ROCK2: variants seen among roughly 807,000 people sequenced by gnomAD.
ROCK2 encodes the protein rho-associated protein kinase 2.
ROCK2 carries 61 observed loss-of-function variants against 195.1 expected under a neutral mutation model. The observed-to-expected ratio is 0.31, with a 90% CI of 0.25 to 0.39. ROCK2 has a LOEUF of 0.39. ROCK2 is among the 10% of genes least tolerant of loss of function. The pLI is 1.00. For synonymous variants in ROCK2, 504 were observed against 545.5 expected (o/e 0.92, Z 1.06); for missense variants, 1,109 against 1,637.4 (o/e 0.68, Z 5.57).
At chr2:11,196,900 AAGAAG>A (rs2148036933) in intron 27 of ROCK2, among the ~76,000 whole-genome samples, 1 of 152,332 alleles carries the variant, frequency 6.6e-6, no homozygotes, top group South Asian at 2.1e-4. Flanking sequence ...AGAATGCAGA[AAGAAG>A]AGAAAATGAA....
In ROCK2 at chr2:11,204,148, T is replaced by C. The variant is rs186901433; in HGVS notation, c.2550-2027A>G. On this transcript the variant is annotated intron_variant, in intron 20 of 32. Transcript: ENST00000315872. Reference sequence around the variant, plus strand: ...GCCTAGAAGAAATAACTGTTTCATTTGTGTTTTATCTTTTGGTGGTTACCT... The same window carrying C: ...GCCTAGAAGAAATAACTGTTTCATTCGTGTTTTATCTTTTGGTGGTTACCT... 6.8e-3 allele frequency among the ~76,000 whole-genome samples: 1,034 copies of C among 152,246 alleles called. 8 individuals are homozygous for C. The highest frequency in any genetic ancestry group is 9.9e-3 in the Non-Finnish European group (675 of 68,006).
chr2:11,273,413 C>CATTA (rs1666716635), intron 3 of ROCK2, among the ~76,000 whole-genome samples: 1 of 151,236 alleles, frequency 6.6e-6, no homozygotes, highest in Admixed American at 6.6e-5. Context: ...CAAAAAAAAA[C>CATTA]ATTATATCTT....
intron 3 of ROCK2, among the ~76,000 whole-genome samples, chr2:11,281,945 C>T (rs1667017873): frequency 6.6e-6 from 1 of 151,984 alleles, no homozygotes; most frequent in Admixed American, 6.6e-5. Flanking sequence ...CCAAGTTGGT[C>T]TATATTTTCA....
At chr2:11,246,760 T>A (rs1162854325) in intron 4 of ROCK2, among the ~76,000 whole-genome samples, 2 of 152,158 alleles carry the variant, frequency 1.3e-5, no homozygotes, top group Admixed American at 6.5e-5. Context: ...TATTTAATAG[T>A]CATTTAAAAA....
intron 1 of ROCK2, among the ~76,000 whole-genome samples, chr2:11,311,276 G>A (rs1274747209): frequency 6.6e-6 from 1 of 152,134 alleles, no homozygotes; most frequent in Non-Finnish European, 1.5e-5. Context: ...AAGTCCTGGA[G>A]AGCCCCCAAA....
At chr2:11,301,287 C>G (rs1050165525) in intron 1 of ROCK2, among the ~76,000 whole-genome samples, 3 of 151,816 alleles carry the variant, frequency 2.0e-5, no homozygotes, top group African/African-American at 7.3e-5. Context: ...AAAAATTTTT[C>G]AATGATGGGA....
chr2:11,317,573 CATTTAT>C (rs1668235660), intron 1 of ROCK2, among the ~76,000 whole-genome samples: 12 of 49,778 alleles, frequency 2.4e-4, no homozygotes, highest in African/African-American at 1.1e-3. Flanking sequence ...CTGATCTACA[CATTTAT>C]ATATATATAT....
chr2:11,297,155 A>G (rs538388771), intron 1 of ROCK2, among the ~76,000 whole-genome samples: 1 of 152,244 alleles, frequency 6.6e-6, no homozygotes, highest in African/African-American at 2.4e-5. Flanking sequence ...TAGTTGTTAC[A>G]AAGACTAGGT....
intron 1 of ROCK2, among the ~76,000 whole-genome samples, chr2:11,335,446 GTTCT>G (rs1668901093): frequency 6.6e-6 from 1 of 152,096 alleles, no homozygotes; most frequent in African/African-American, 2.4e-5. Context: ...AAGGGAAAAT[GTTCT>G]TTTATTATTT....
Position 11,182,280 on chromosome 2 carries a change from G to A in ROCK2, c.*1157C>T, listed in dbSNP as rs1291204987. On this transcript the variant is annotated 3_prime_UTR_variant, in exon 33 of 33. Transcript: ENST00000315872. The stretch of plus-strand genomic sequence containing the variant: ...TTTAAATATTTAAAATGCATCTACA[G>A]TCTGTCTTAGTTTTCTTTATATTTG... The A allele has an allele frequency of 6.6e-6, 1 of 152,164 alleles. No homozygotes were observed. The highest frequency in any genetic ancestry group is 1.5e-5 in the Non-Finnish European group (1 of 68,020). The allele number at this position is 152,164 out of a possible 1,614,324, so 9.4% of individuals were successfully genotyped here.
At chr2:11,298,936 T>G (rs1170551810) in intron 1 of ROCK2, among the ~76,000 whole-genome samples, 1 of 152,080 alleles carries the variant, frequency 6.6e-6, no homozygotes, top group Non-Finnish European at 1.5e-5. Context: ...GTTTTAAAAC[T>G]ACAGAGATTT....
chr2:11,306,069 C>T (rs1043880681), intron 1 of ROCK2, among the ~76,000 whole-genome samples: 1 of 152,092 alleles, frequency 6.6e-6, no homozygotes, highest in Non-Finnish European at 1.5e-5. Flanking sequence ...GAAAGAGATT[C>T]GAGAGCCATG....
intron 1 of ROCK2, chr2:11,307,939 T>G: frequency 7.0e-7 from 1 of 1,425,990 alleles, no homozygotes; most frequent in Non-Finnish European, 9.2e-7. Flanking sequence ...GCCCTGTTAA[T>G]GTCAGGGCCA....
intron 1 of ROCK2, among the ~76,000 whole-genome samples, chr2:11,293,086 T>C (rs1348128164): frequency 2.0e-5 from 3 of 152,234 alleles, no homozygotes; most frequent in African/African-American, 7.2e-5. Context: ...CTTTTCTTTA[T>C]AAATTACCCA....
At chr2:11,260,883 T>C (rs922101271) in intron 3 of ROCK2, among the ~76,000 whole-genome samples, 6 of 152,238 alleles carry the variant, frequency 3.9e-5, no homozygotes, top group African/African-American at 1.4e-4. Flanking sequence ...GACTTCACTT[T>C]TGGTGATTCT....
chr2:11,286,777 A>G (rs1366608740), intron 2 of ROCK2, 138 bp from the exon 3 acceptor site: 2 of 528,602 alleles, frequency 3.8e-6, no homozygotes, highest in Non-Finnish European at 6.6e-6. Flanking sequence ...CTGTTAGTTA[A>G]AAATCTAAGA....
At chr2:11,283,796 A>G (rs1484804556) in intron 3 of ROCK2, among the ~76,000 whole-genome samples, 1 of 152,220 alleles carries the variant, frequency 6.6e-6, no homozygotes, top group African/African-American at 2.4e-5. Context: ...AAGAATCTTC[A>G]TTCATTGCTG....
chr2:11,238,423 A>C lies in ROCK2; in HGVS notation c.463-2461T>G, dbSNP rs184521784. On this transcript the variant is annotated intron_variant, in intron 4 of 32. Transcript: ENST00000315872. ...CAATCCCAGTGGGTCTTTTCCAAAAACCAACAAGCAGGTCCTAAAATTTAT... is the reference window on the plus strand; with the variant it reads ...CAATCCCAGTGGGTCTTTTCCAAAACCCAACAAGCAGGTCCTAAAATTTAT... Among the ~76,000 whole-genome samples, 253 of 152,220 alleles carry C rather than the reference A, an allele frequency of 1.7e-3. 1 individual carries two copies. The highest frequency in any genetic ancestry group is 5.8e-3 in the African/African-American group (242 of 41,526).
At chr2:11,218,597 A>C (rs2148071214) in intron 10 of ROCK2, 131 bp from the exon 11 acceptor site, 1 of 604,104 alleles carries the variant, frequency 1.7e-6, no homozygotes, top group African/African-American at 1.9e-5. Context: ...TGAAGAAAAA[A>C]TGTTTAGCAT....
Sources: allele counts gnomAD v4.1 joint callset (sites outside exome capture counted in the v4.1 genomes callset), GRCh38; gene constraint gnomAD v4.1.1; transcripts MANE v1.5; gene names NCBI Gene and HGNC (gene_info 2026-07-23, HGNC 2026-07-21).